PCDHGA2: variants seen among roughly 807,000 people sequenced by gnomAD.
The protein encoded by PCDHGA2 is protocadherin gamma-A2.
PCDHGA2 carries 40 observed loss-of-function variants against 59.2 expected under a neutral mutation model. The ratio of observed to expected loss-of-function variants is 0.68; its 90% confidence interval spans 0.52 to 0.88. The LOEUF (loss-of-function observed/expected upper bound fraction) is 0.88. PCDHGA2 is among the 40% of genes least tolerant of loss of function. The pLI is 0.00. For synonymous variants in PCDHGA2, 560 were observed against 526.0 expected (o/e 1.06, Z -0.89); for missense variants, 1,226 against 1,204.0 (o/e 1.02, Z -0.27).
At chr5:141,495,771 C>T (rs941051365) in intron 2 of PCDHGA2, among the ~76,000 whole-genome samples, 1 of 152,110 alleles carries the variant, frequency 6.6e-6, no homozygotes, top group Non-Finnish European at 1.5e-5. Flanking sequence ...TGTCCTTGTC[C>T]TGGACCTCTT....
At chr5:141,408,605 A>G (rs1374368607) in intron 1 of PCDHGA2, 1 of 1,614,060 alleles carries the variant, frequency 6.2e-7, no homozygotes, top group South Asian at 1.1e-5. Flanking sequence ...TCAATTTGAT[A>G]AAAAGGAAAT....
intron 1 of PCDHGA2, chr5:141,375,637 C>G (rs1331644453): frequency 1.2e-6 from 2 of 1,614,238 alleles, no homozygotes; most frequent in South Asian, 2.2e-5. Context: ...ACGCCCTGCG[C>G]TCCTTCGACT....
chr5:141,437,346 T>C (rs143931647), intron 1 of PCDHGA2, among the ~76,000 whole-genome samples: 2 of 152,380 alleles, frequency 1.3e-5, no homozygotes, highest in East Asian at 3.9e-4. Flanking sequence ...CACTGTTTTA[T>C]AGTACCTAAA....
chr5:141,487,391 A>C lies in PCDHGA2; in HGVS notation c.2425-7416A>C. 1 of 1,614,090 alleles carries C rather than the reference A, an allele frequency of 6.2e-7. No homozygotes were observed. The highest frequency in any genetic ancestry group is 1.1e-5 in the South Asian group (1 of 91,078). ...TGCCTGTCTCACCAGATCTCGAAGG[A>C]GGGAGGGGCTTCCCCCTTCCAATGG... On this transcript the variant is annotated intron_variant, in intron 1 of 3. Transcript: ENST00000394576. The surrounding 1 kb of genome is among the most constrained non-coding windows in gnomAD (Gnocchi z 5.0).
chr5:141,427,985 C>A (rs747784722), intron 1 of PCDHGA2: 23 of 1,597,524 alleles, frequency 1.4e-5, no homozygotes, highest in Non-Finnish European at 1.9e-5. Context: ...CGCTGGGGCC[C>A]GATGGCTCCG....
At chr5:141,345,148 A>C (rs1757527696) in intron 1 of PCDHGA2, 1 of 1,614,046 alleles carries the variant, frequency 6.2e-7, no homozygotes, top group African/African-American at 1.3e-5. Context: ...ATCGACGTGC[A>C]TGACCGAGAT....
Position 141,432,084 on chromosome 5 carries a change from TG to T in PCDHGA2, c.2425-62721del. 6.2e-7 allele frequency: 1 copy of T among 1,614,186 alleles called. No homozygotes were observed. Among genetic ancestry groups the T allele is most frequent in the Non-Finnish European group, 8.5e-7 (1 of 1,180,034 alleles). ...ACGGAAACTCATATCTCGCTGAACG[TG>T]GCAGACACCAACGACAACCCGCCGG... On this transcript the variant is annotated intron_variant, in intron 1 of 3. Transcript: ENST00000394576. The surrounding 1 kb of genome is among the most constrained non-coding windows in gnomAD (Gnocchi z 6.0).
rs767425379 is a variant in PCDHGA2, at chr5:141,403,635, T to C, written c.2424+62240T>C. 1.1e-5 allele frequency: 18 copies of C among 1,613,902 alleles called. No individual in the cohort carries two copies. The South Asian group carries it at 1.8e-4, about 16-fold the overall frequency. On this transcript the variant is annotated intron_variant, in intron 1 of 3. Transcript: ENST00000394576. ...CCGCGTCGCTCCAGCACAGTGCGCA[T>C]CCATGTGACAGTGTTGGATACAAAT... is the stretch of plus-strand genomic sequence containing the variant.
intron 1 of PCDHGA2, chr5:141,383,758 A>G: frequency 6.2e-7 from 1 of 1,613,970 alleles, no homozygotes. Flanking sequence ...AATAACTCCT[A>G]AACTTCCAAA....
rs139156138 is a variant in PCDHGA2 at position 141,472,179 on chromosome 5, T to C, written c.2425-22628T>C. 5.1e-4 allele frequency among the ~76,000 whole-genome samples: 77 copies of C among 152,246 alleles called. 4 individuals are homozygous for C. The East Asian group carries it at 0.014, about 27-fold the overall frequency. On this transcript the variant is annotated intron_variant, in intron 1 of 3. Coordinates refer to ENST00000394576, the MANE Select transcript of PCDHGA2 (RefSeq NM_018915.4). ...TAGCTACTAGGTGTAATATCCAGTATTGGAATTTGAATCTTTTTGACACTA... is the reference window on the plus strand; with the variant it reads ...TAGCTACTAGGTGTAATATCCAGTACTGGAATTTGAATCTTTTTGACACTA...
chr5:141,463,480 G>A (rs964539275), intron 1 of PCDHGA2, among the ~76,000 whole-genome samples: 3 of 114,320 alleles, frequency 2.6e-5, no homozygotes, highest in African/African-American at 1.1e-4. Context: ...ATGGAGTCTC[G>A]CTCTGTCACC....
Position 141,365,232 on chromosome 5 carries a change from T to C in PCDHGA2, c.2424+23837T>C, listed in dbSNP as rs762059066. 20 of 1,613,878 alleles carry C rather than the reference T, an allele frequency of 1.2e-5. No individual in the cohort carries two copies. The South Asian group carries it at 2.2e-4, about 18-fold the overall frequency. On this transcript the variant is annotated intron_variant, in intron 1 of 3. Transcript: ENST00000394576. ...CAACTTGATTCCAACCTGGGGGAAA[T>C]CTCAACTCTACAATCACTGGACTAT...
chr5:141,464,343 A>C (rs944042669), intron 1 of PCDHGA2, among the ~76,000 whole-genome samples: 7 of 151,212 alleles, frequency 4.6e-5, no homozygotes, highest in African/African-American at 1.5e-4. Context: ...ATGACTTGTC[A>C]TTTAGGTAGT....
chr5:141,483,660 G>GTCTGTA (rs2099584988), intron 1 of PCDHGA2, among the ~76,000 whole-genome samples: 1 of 152,094 alleles, frequency 6.6e-6, no homozygotes, highest in Non-Finnish European at 1.5e-5. Context: ...GTGTGTGTGT[G>GTCTGTA]TGTGTGTGTA....
Position 141,409,176 on chromosome 5 carries a change from G to A in PCDHGA2, c.2424+67781G>A. On this transcript the variant is annotated intron_variant, in intron 1 of 3. Transcript: ENST00000394576. ...ATGGAAGTGGAAGCGAAGGACGGAG[G>A]TGGTCTCTCTACCCAGTGTAAAGTA... The A allele has an allele frequency of 6.2e-7, 1 of 1,614,026 alleles. No individual in the cohort carries two copies. The highest frequency in any genetic ancestry group is 8.5e-7 in the Non-Finnish European group (1 of 1,179,892).
chr5:141,362,412 A>T, intron 1 of PCDHGA2: 1 of 1,614,034 alleles, frequency 6.2e-7, no homozygotes, highest in Non-Finnish European at 8.5e-7. Context: ...TTGCCTCACA[A>T]TCAGCCAAGA....
intron 1 of PCDHGA2, chr5:141,478,484 C>A (rs376021397): frequency 1.2e-5 from 20 of 1,613,340 alleles, no homozygotes; most frequent in Non-Finnish European, 1.4e-5. Context: ...GAACACGCTG[C>A]GGAGCTGTGA....
intron 1 of PCDHGA2, chr5:141,346,154 C>A: frequency 1.2e-6 from 2 of 1,614,012 alleles, no homozygotes; most frequent in South Asian, 1.1e-5. Context: ...TCCTGGCCTT[C>A]GTCATCGTGC....
intron 1 of PCDHGA2, among the ~76,000 whole-genome samples, chr5:141,433,399 CTA>C (rs1491097109): frequency 1.1e-4 from 17 of 150,894 alleles, no homozygotes; most frequent in African/African-American, 4.1e-4. Context: ...ATCTATCTAT[CTA>C]TCTATTACTT....
Sources: allele counts gnomAD v4.1 joint callset (sites outside exome capture counted in the v4.1 genomes callset), GRCh38; gene constraint gnomAD v4.1.1; non-coding constraint Gnocchi (gnomAD v3.1); transcripts MANE v1.5; gene names NCBI Gene and HGNC (gene_info 2026-07-23, HGNC 2026-07-21).